The following ARID1A variants were observed in gnomAD, a reference collection of about 807,000 sequenced individuals.
ARID1A encodes AT-rich interactive domain-containing protein 1A.
A neutral mutation model predicts 212.6 loss-of-function variants in ARID1A; 20 were observed. That is an observed-to-expected ratio of 0.09 (90% CI 0.07 to 0.14). The LOEUF (loss-of-function observed/expected upper bound fraction) is 0.14. ARID1A is among the 10% of genes least tolerant of loss of function. The probability of loss-of-function intolerance (pLI) is 1.00; values close to 1 mark genes in which losing one functional copy is unlikely to be tolerated. For missense variants in ARID1A, 2,587 were observed against 3,059.0 expected, an observed-to-expected ratio of 0.85 and a Z score of 3.64; for synonymous variants, 1,376 against 1,222.1, an observed-to-expected ratio of 1.13 and a Z score of -2.63.
chr1:26,704,890 G>C (rs1253716764), intron 1 of ARID1A, among the ~76,000 whole-genome samples: 1 of 152,030 alleles, frequency 6.6e-6, no homozygotes, highest in Non-Finnish European at 1.5e-5. Flanking sequence ...TTTTTTATTA[G>C]GTTACTATGG....
chr1:26,751,184 G>A (rs1035246571), intron 4 of ARID1A, among the ~76,000 whole-genome samples: 36 of 152,142 alleles, frequency 2.4e-4, no homozygotes, highest in African/African-American at 8.0e-4. Context: ...GAACCTGGGA[G>A]GCGGAGATTG....
intron 4 of ARID1A, among the ~76,000 whole-genome samples, chr1:26,750,977 G>A (rs969708774): frequency 1.3e-5 from 2 of 152,088 alleles, no homozygotes; most frequent in African/African-American, 2.4e-5. Context: ...GAGGGGGGCC[G>A]GGCATGGTGG....
At chr1:26,768,359 T>A (rs984471660) in intron 11 of ARID1A, among the ~76,000 whole-genome samples, 1 of 152,242 alleles carries the variant, frequency 6.6e-6, no homozygotes, top group Non-Finnish European at 1.5e-5. Context: ...TGGCCACTTA[T>A]AACATATATG....
chr1:26,761,148 A>G (rs2124057777), intron 5 of ARID1A, 52 bp downstream of exon 5: 1 of 1,596,800 alleles, frequency 6.3e-7, no homozygotes, highest in Non-Finnish European at 8.6e-7. Context: ...TGCCCCCAGT[A>G]ATATTAAGGA....
intron 1 of ARID1A, among the ~76,000 whole-genome samples, chr1:26,705,373 G>A (rs1433513573): frequency 2.6e-5 from 4 of 151,816 alleles, no homozygotes; most frequent in African/African-American, 9.7e-5. Context: ...CCCAACCTCG[G>A]GTGTGATCCA....
At chr1:26,757,613 T>G (rs1231019028) in intron 4 of ARID1A, among the ~76,000 whole-genome samples, 4 of 152,178 alleles carry the variant, frequency 2.6e-5, no homozygotes, top group Non-Finnish European at 5.9e-5. Flanking sequence ...ATATCTGAAA[T>G]GTTTTTATCA....
rs1485015630 is a variant in ARID1A at position 26,759,267 on chromosome 1, A to G, written c.1921-1589A>G. Among the ~76,000 whole-genome samples the G allele has an allele frequency of 2.6e-5, 4 of 152,100 alleles. No individual in the cohort carries two copies. In the South Asian group the frequency reaches 6.2e-4, roughly 24 times the overall value. ...ACCTATGCTGGAGTGCAGTGGTACA[A>G]TCTCGGCTCACTACAGCCTCCTCCT... On this transcript the variant is annotated intron_variant, in intron 4 of 19. Transcript: ENST00000324856.
rs146611677 is a variant in ARID1A at position 26,772,897 on chromosome 1, C to T, written c.3625C>T (p.Pro1209Ser). 6.2e-7 allele frequency: 1 copy of T among 1,614,004 alleles called. No individual in the cohort carries two copies. Among genetic ancestry groups the T allele is most frequent in the Non-Finnish European group, 8.5e-7 (1 of 1,180,034 alleles). Residue 1209 changes from proline to serine, a missense_variant, in exon 14 of 20, where the codon CCT (proline) becomes TCT (serine). Coordinates refer to ENST00000324856, the MANE Select transcript of ARID1A (RefSeq NM_006015.6). ...GAAGCGGAATTCCATGACTCCAAAC[C>T]CTGGGTATCAGCCCAGTATGAATAC... is the stretch of plus-strand genomic sequence containing the variant. Reference protein sequence around the residue: ...FQKRNSMTPNPGYQPSMNTSD... With the variant: ...FQKRNSMTPNSGYQPSMNTSD...
intron 1 of ARID1A, among the ~76,000 whole-genome samples, chr1:26,702,198 C>G (rs1216076670): frequency 6.6e-6 from 1 of 152,138 alleles, no homozygotes; most frequent in Non-Finnish European, 1.5e-5. Flanking sequence ...GTTCCTGAGA[C>G]TGGAAGAGGA....
At chr1:26,716,189 G>A (rs531921056) in intron 1 of ARID1A, among the ~76,000 whole-genome samples, 82 of 145,392 alleles carry the variant, frequency 5.6e-4, no homozygotes, top group Non-Finnish European at 6.4e-4. Context: ...CTGGGTAACA[G>A]CGAGATTCCG....
chr1:26,696,715 C>A lies in ARID1A; in HGVS notation c.312C>A (p.Asn104Lys). 1 of 1,369,796 alleles carries A rather than the reference C, an allele frequency of 7.3e-7. No homozygotes were observed. The highest frequency in any genetic ancestry group is 9.4e-7 in the Non-Finnish European group (1 of 1,061,828). 84.9% of individuals were successfully genotyped at this position (1,369,796 alleles called of 1,614,324 possible). A position where few individuals can be genotyped will look rare whatever the true frequency, so the allele number is the denominator to read the frequency against. ...PGAEPDLKNSNGNAGPRPALN... is the reference protein window; with the variant it reads ...PGAEPDLKNSKGNAGPRPALN... Reference sequence around the variant, plus strand: ...CGGAGCCGGACCTGAAGAACTCGAACGGGAACGCGGGCCCTAGGCCCGCCC... The same window carrying A: ...CGGAGCCGGACCTGAAGAACTCGAAAGGGAACGCGGGCCCTAGGCCCGCCC... The change falls in exon 1 of 20, where the codon AAC (asparagine) becomes AAA (lysine). Residue 104 changes from asparagine (N) to lysine (K), a missense_variant. Transcript: ENST00000324856.
At chr1:26,740,197 A>G (rs1245739593) in intron 4 of ARID1A, among the ~76,000 whole-genome samples, 2 of 152,170 alleles carry the variant, frequency 1.3e-5, no homozygotes, top group Non-Finnish European at 2.9e-5. Context: ...GTAGAAGACA[A>G]ACAGACATTT....
chr1:26,761,753 T>C (rs2080994106), intron 6 of ARID1A, among the ~76,000 whole-genome samples: 2 of 152,308 alleles, frequency 1.3e-5, no homozygotes, highest in Admixed American at 6.5e-5. Flanking sequence ...AGCAGCAAAT[T>C]GTGAAGTTAG....
intron 1 of ARID1A, among the ~76,000 whole-genome samples, chr1:26,714,710 G>C (rs1430106132): frequency 6.6e-6 from 1 of 151,914 alleles, no homozygotes; most frequent in African/African-American, 2.4e-5. Context: ...CCACCGCGCC[G>C]CATATATAAT....
intron 1 of ARID1A, among the ~76,000 whole-genome samples, chr1:26,698,844 AT>A (rs564022745): frequency 7.9e-5 from 12 of 151,842 alleles, no homozygotes; most frequent in African/African-American, 2.7e-4. Context: ...AGTTTTTGTT[AT>A]TTTTTTTAGA....
At chr1:26,706,448 G>A (rs1037510226) in intron 1 of ARID1A, among the ~76,000 whole-genome samples, 1 of 152,152 alleles carries the variant, frequency 6.6e-6, no homozygotes, top group African/African-American at 2.4e-5. Context: ...AAGCCCATTT[G>A]GTGTGTGCTT....
Position 26,773,428 on chromosome 1 carries a change from T to G in ARID1A, c.3798T>G (p.Pro1266=). ...ACCCCTACAGTCGTGCTGCCGGCCC[T>G]GGGCTAGGAAATGTGGCGATGGGAC... ...MGDPYSRAAG[P]GLGNVAMGPR... is the part of the protein sequence containing the mutation. Residue 1266 remains proline (P), a synonymous_variant, in exon 15 of 20, where the codon CCT becomes CCG. Transcript: ENST00000324856. 2 of 1,613,680 alleles carry G rather than the reference T, an allele frequency of 1.2e-6. No homozygotes were observed.
intron 4 of ARID1A, among the ~76,000 whole-genome samples, chr1:26,736,775 A>G (rs2080735343): frequency 6.6e-6 from 1 of 151,608 alleles, no homozygotes; most frequent in Non-Finnish European, 1.5e-5. Context: ...GGTGGTGCAT[A>G]CCTGTAATCC....
At chr1:26,722,521 A>G (rs1372031458) in intron 1 of ARID1A, among the ~76,000 whole-genome samples, 1 of 152,254 alleles carries the variant, frequency 6.6e-6, no homozygotes, top group African/African-American at 2.4e-5. Context: ...TTGGGATTAC[A>G]TGCGTGAGTC....
Sources: allele counts gnomAD v4.1 joint callset (sites outside exome capture counted in the v4.1 genomes callset), GRCh38; gene constraint gnomAD v4.1.1; transcripts MANE v1.5; gene names NCBI Gene and HGNC (gene_info 2026-07-23, HGNC 2026-07-21).